ETNK2: variants seen among roughly 807,000 people sequenced by gnomAD.
The protein encoded by ETNK2 is ethanolamine kinase-like protein.
In ETNK2, 33 loss-of-function variants were observed where a neutral mutation model predicts 46.2. The observed-to-expected ratio is 0.71, with a 90% CI of 0.54 to 0.96. The LOEUF (loss-of-function observed/expected upper bound fraction) is 0.96. ETNK2 is among the 40% of genes least tolerant of loss of function. The pLI, the probability that ETNK2 is intolerant of heterozygous loss-of-function variation, is 0.00. For synonymous variants in ETNK2, 194 were observed against 209.0 expected, an observed-to-expected ratio of 0.93 and a Z score of 0.62; for missense variants, 445 against 509.7, an observed-to-expected ratio of 0.87 and a Z score of 1.22.
At chr1:204,141,573 G>T in intron 3 of ETNK2, 116 bp from the exon 4 acceptor site, 2 of 1,205,804 alleles carry the variant, frequency 1.7e-6, no homozygotes, top group Non-Finnish European at 2.3e-6. Flanking sequence ...AGGGGGCCTT[G>T]GAAAAATGGC....
At chr1:204,145,338 T>G (rs1657738284) in intron 3 of ETNK2, among the ~76,000 whole-genome samples, 1 of 152,238 alleles carries the variant, frequency 6.6e-6, no homozygotes, top group Non-Finnish European at 1.5e-5. Flanking sequence ...AAGGATTATG[T>G]CTGAGCACCA....
At chr1:204,137,830 G>GGGGGC (rs1657348402) in intron 5 of ETNK2, among the ~76,000 whole-genome samples, 1 of 152,150 alleles carries the variant, frequency 6.6e-6, no homozygotes, top group African/African-American at 2.4e-5. Context: ...GCTCTGATGT[G>GGGGGC]TAGCCAGGCT....
intron 3 of ETNK2, chr1:204,141,685 C>A: frequency 3.7e-6 from 2 of 546,380 alleles, no homozygotes; most frequent in Non-Finnish European, 6.5e-6. Flanking sequence ...AAGACATGGG[C>A]GTCAAAGCAT....
chr1:204,136,185 C>G (rs1299133471), intron 6 of ETNK2, among the ~76,000 whole-genome samples: 1 of 151,618 alleles, frequency 6.6e-6, no homozygotes, highest in Non-Finnish European at 1.5e-5. Context: ...CATTTGAGGC[C>G]AGGAGTTAGA....
intron 4 of ETNK2, chr1:204,140,964 A>AG (rs35962220): frequency 0.35 from 127,786 of 364,856 alleles, 24,402 homozygotes; most frequent in African/African-American, 0.57. Flanking sequence ...CTAGGACTAT[A>AG]GCATGTACCA....
At chr1:204,143,431 C>G (rs1055204221) in intron 3 of ETNK2, among the ~76,000 whole-genome samples, 1 of 151,704 alleles carries the variant, frequency 6.6e-6, no homozygotes, top group Non-Finnish European at 1.5e-5. Context: ...TCTATCTCCC[C>G]GGGGCCTCCC....
chr1:204,139,650 G>A (rs1184468123), intron 5 of ETNK2, among the ~76,000 whole-genome samples: 1 of 152,170 alleles, frequency 6.6e-6, no homozygotes, highest in Admixed American at 6.5e-5. Flanking sequence ...TGCTTTGAAC[G>A]TTGGTCAAAT....
Position 204,151,322 on chromosome 1 carries a change from C to T in ETNK2, c.258+273G>A. The T allele has an allele frequency of 1.8e-6, 1 of 553,542 alleles. No homozygotes were observed. The highest frequency in any genetic ancestry group is 2.0e-5 in the African/African-American group (1 of 49,790). The allele number at this position is 553,542 out of a possible 1,614,324, so 34.3% of individuals were successfully genotyped here. A position where few individuals can be genotyped will look rare whatever the true frequency, so the allele number is the denominator to read the frequency against. Reference sequence around the variant, plus strand: ...AGCACGCAGCGACAGGGGGTGCGGCCCGCACACGCAGCATGCCGACAGTGG... The same window carrying T: ...AGCACGCAGCGACAGGGGGTGCGGCTCGCACACGCAGCATGCCGACAGTGG... On this transcript the variant is annotated intron_variant, in intron 1 of 7. Coordinates refer to ENST00000367202, the MANE Select transcript of ETNK2 (RefSeq NM_018208.4). The surrounding 1 kb of genome is among the most constrained non-coding windows in gnomAD (Gnocchi z 8.0).
intron 1 of ETNK2, chr1:204,150,474 G>A (rs986059013): frequency 1.3e-5 from 2 of 157,298 alleles, no homozygotes; most frequent in African/African-American, 4.8e-5. Context: ...ACCCATCCCA[G>A]GACTTTAGTG....
chr1:204,135,452 C>G (rs1034541701), intron 6 of ETNK2, among the ~76,000 whole-genome samples: 2 of 152,124 alleles, frequency 1.3e-5, no homozygotes, highest in African/African-American at 4.8e-5. Flanking sequence ...TAAAATAAAG[C>G]CAGGGAGCTG....
intron 2 of ETNK2, among the ~76,000 whole-genome samples, chr1:204,148,400 T>C (rs1227608159): frequency 6.6e-6 from 1 of 152,036 alleles, no homozygotes; most frequent in Non-Finnish European, 1.5e-5. Context: ...TCTGAGCTTA[T>C]ATGCACCAGA....
chr1:204,141,665 GAAGCTGATA>G (rs1358412766), intron 3 of ETNK2: 2 of 585,258 alleles, frequency 3.4e-6, no homozygotes, highest in African/African-American at 3.7e-5. Flanking sequence ...GTTATGCTAG[GAAGCTGATA>G]AAGACATGGG....
rs1324954447 is a variant in ETNK2 at position 204,149,771 on chromosome 1, C to T, written c.450G>A (p.Gly150=). ...CACCCTGCATGTACTCATAGCACAG[C>T]CCATTCTGGAAGGTGCAGTAGAGTT... ...APKLYCTFQN[G]LCYEYMQGVA... The change falls in exon 2 of 8, where the codon GGG becomes GGA. Residue 150 remains glycine, a synonymous_variant. Transcript: ENST00000367202. 6.2e-7 allele frequency: 1 copy of T among 1,606,684 alleles called. No individual in the cohort carries two copies. The highest frequency in any genetic ancestry group is 1.1e-5 in the South Asian group (1 of 89,268).
chr1:204,136,425 A>ATATATATATATATATATATATATG (rs1553301315), intron 6 of ETNK2, among the ~76,000 whole-genome samples: 3 of 149,504 alleles, frequency 2.0e-5, no homozygotes, highest in African/African-American at 7.5e-5. Flanking sequence ...ATATATATAT[A>ATATATATATATATATATATATATG]TATGCCGGGC....
chr1:204,135,840 C>A lies in ETNK2; in HGVS notation c.1015-1252G>T, dbSNP rs115567272. On this transcript the variant is annotated intron_variant, in intron 6 of 7. Coordinates refer to ENST00000367202, the MANE Select transcript of ETNK2 (RefSeq NM_018208.4). ...TAGCTCTCTTCTGTACTGTGAAATT[C>A]AAGGCAGCTGACTTGTCTTCTTACT... Among the ~76,000 whole-genome samples, 259 of 152,298 alleles carry A rather than the reference C, an allele frequency of 1.7e-3. 3 individuals are homozygous for A. The highest frequency in any genetic ancestry group is 5.9e-3 in the African/African-American group (244 of 41,560).
chr1:204,148,059 C>A (rs576139803), intron 2 of ETNK2, among the ~76,000 whole-genome samples: 1 of 152,296 alleles, frequency 6.6e-6, no homozygotes, highest in South Asian at 2.1e-4. Context: ...CAACACTCAG[C>A]ATTTTCATGC....
Position 204,151,435 on chromosome 1 carries a change from G to T in ETNK2, c.258+160C>A. The T allele has an allele frequency of 3.7e-6, 4 of 1,072,546 alleles. No individual in the cohort carries two copies. Among genetic ancestry groups the T allele is most frequent in the Non-Finnish European group, 4.0e-6 (3 of 758,954 alleles). 66.4% of individuals were successfully genotyped at this position (1,072,546 alleles called of 1,614,324 possible). Reference sequence around the variant, plus strand: ...GAGGTGTGAGCCTAGTTTTGGTAGCGACGAAATCAATCCGTACACAAACCA... The same window carrying T: ...GAGGTGTGAGCCTAGTTTTGGTAGCTACGAAATCAATCCGTACACAAACCA... On this transcript the variant is annotated intron_variant, in intron 1 of 7. Transcript: ENST00000367202. The surrounding 1 kb of genome is among the most constrained non-coding windows in gnomAD (Gnocchi z 8.0).
intron 4 of ETNK2, among the ~76,000 whole-genome samples, 153 bp from the exon 5 acceptor site, chr1:204,140,271 G>C (rs1291847111): frequency 1.4e-5 from 2 of 147,208 alleles, no homozygotes; most frequent in East Asian, 4.0e-4. Flanking sequence ...AGTCTTCCAA[G>C]CTACTTCCAT....
Position 204,134,496 on chromosome 1 carries a change from C to T in ETNK2, c.1088+19G>A. 3 of 1,612,688 alleles carry T rather than the reference C, an allele frequency of 1.9e-6. No individual in the cohort carries two copies. The highest frequency in any genetic ancestry group is 1.1e-5 in the South Asian group (1 of 90,896). ...GGCTCTCCCTTTTCTCCACGTCCCACCATCACCCCCACACTCACCTGAGGA... is the reference window on the plus strand; with the variant it reads ...GGCTCTCCCTTTTCTCCACGTCCCATCATCACCCCCACACTCACCTGAGGA... On this transcript the variant is annotated intron_variant, in intron 7 of 7. Transcript: ENST00000367202.
Sources: gnomAD v4.1 joint callset for allele counts (sites outside exome capture counted in the v4.1 genomes callset) on GRCh38, gnomAD v4.1.1 for gene constraint, Gnocchi (gnomAD v3.1) non-coding constraint, MANE v1.5 for transcripts, NCBI Gene and HGNC (gene_info 2026-07-23, HGNC 2026-07-21) for gene names.